The following ZNF385B variants were observed in gnomAD, a reference collection of about 807,000 sequenced individuals.
ZNF385B encodes zinc finger protein 533.
A neutral mutation model predicts 39.2 loss-of-function variants in ZNF385B; 23 were observed. The ratio of observed to expected loss-of-function variants is 0.59; its 90% CI spans 0.42 to 0.83. The LOEUF (loss-of-function observed/expected upper bound fraction) is 0.83, where lower values mean the gene tolerates loss of function less well. ZNF385B is among the 40% of genes least tolerant of loss of function. ZNF385B has a pLI of 0.00. For synonymous variants in ZNF385B, 205 were observed against 222.6 expected (o/e 0.92, Z 0.70); for missense variants, 552 against 598.9 (o/e 0.92, Z 0.82).
At chr2:179,467,276 T>C (rs1286852901) in intron 6 of ZNF385B, among the ~76,000 whole-genome samples, 1 of 152,174 alleles carries the variant, frequency 6.6e-6, no homozygotes, top group African/African-American at 2.4e-5. Context: ...GGTTACCTAG[T>C]ATAGTATAGT....
intron 1 of ZNF385B, among the ~76,000 whole-genome samples, chr2:179,842,423 A>C: frequency 6.6e-6 from 1 of 152,218 alleles, no homozygotes; most frequent in East Asian, 1.9e-4. Context: ...TCTTCATACC[A>C]CCATTGTGCT....
chr2:179,465,819 T>C (rs540555908), intron 6 of ZNF385B, among the ~76,000 whole-genome samples: 1 of 152,322 alleles, frequency 6.6e-6, no homozygotes, highest in East Asian at 1.9e-4. Flanking sequence ...TATTATGATC[T>C]TCCATTAATT....
chr2:179,556,025 A>G (rs1304060245), intron 3 of ZNF385B, among the ~76,000 whole-genome samples: 14 of 149,188 alleles, frequency 9.4e-5, no homozygotes, highest in South Asian at 6.5e-4. Context: ...TAAAGCCACA[A>G]TGTCCTTTGG....
chr2:179,475,504 C>G (rs2053313780), intron 6 of ZNF385B, among the ~76,000 whole-genome samples: 1 of 151,768 alleles, frequency 6.6e-6, no homozygotes, highest in Non-Finnish European at 1.5e-5. Flanking sequence ...TCCGCCTCAG[C>G]CTTCCAAAGT....
intron 1 of ZNF385B, among the ~76,000 whole-genome samples, chr2:179,790,696 T>C (rs1705274032): frequency 6.6e-6 from 1 of 152,076 alleles, no homozygotes; most frequent in Non-Finnish European, 1.5e-5. Context: ...TAACAAATAC[T>C]CTCATGGTCA....
At chr2:179,481,701 G>A (rs2054013899) in intron 6 of ZNF385B, among the ~76,000 whole-genome samples, 1 of 152,050 alleles carries the variant, frequency 6.6e-6, no homozygotes, top group African/African-American at 2.4e-5. Context: ...ATGTTTTGCT[G>A]GAAGGTAAAG....
At chr2:179,777,055 T>C (rs373585536) in intron 1 of ZNF385B, among the ~76,000 whole-genome samples, 2 of 151,840 alleles carry the variant, frequency 1.3e-5, no homozygotes, top group African/African-American at 4.8e-5. Context: ...CAAAAGCTGA[T>C]AGTTAATTTG....
At chr2:179,457,682 T>G in intron 6 of ZNF385B, among the ~76,000 whole-genome samples, 1 of 152,158 alleles carries the variant, frequency 6.6e-6, no homozygotes. Flanking sequence ...GTATATTTTG[T>G]GAGCGTTTGT....
chr2:179,672,224 C>T (rs1696112277), intron 3 of ZNF385B, among the ~76,000 whole-genome samples: 1 of 152,174 alleles, frequency 6.6e-6, no homozygotes, highest in Non-Finnish European at 1.5e-5. Context: ...TTCTTCTTTC[C>T]TATTTCTCTC....
In ZNF385B at chr2:179,444,898, T is replaced by A. The variant is rs749729993; in HGVS notation, c.1220A>T (p.Gln407Leu). The A allele has an allele frequency of 6.2e-7, 1 of 1,614,002 alleles. No individual in the cohort carries two copies. Among genetic ancestry groups the A allele is most frequent in the African/African-American group, 1.3e-5 (1 of 74,944 alleles). Residue 407 changes from glutamine to leucine, a missense_variant, in exon 9 of 10, where the codon CAG (glutamine) becomes CTG (leucine). By Grantham distance (113) the Gln-to-Leu change is moderately radical. Transcript: ENST00000410066. ...TACTGCTAGAATACTCGGGCTCCGC[T>A]GGAGTTTGTTGTAAGGGCTGTATTT... The part of the protein sequence containing the change: ...KPKYSPYNKL[Q>L]RSPSILAAKL...
chr2:179,591,472 A>G (rs1408990693), intron 3 of ZNF385B, among the ~76,000 whole-genome samples: 2 of 152,158 alleles, frequency 1.3e-5, no homozygotes, highest in Non-Finnish European at 2.9e-5. Context: ...TGGCCTGGCT[A>G]ATACTGCTTT....
chr2:179,663,301 T>A (rs1290572012), intron 3 of ZNF385B, among the ~76,000 whole-genome samples: 10 of 152,230 alleles, frequency 6.6e-5, no homozygotes, highest in African/African-American at 2.4e-4. Flanking sequence ...GTATTATCAG[T>A]CATCCCTCAA....
At chr2:179,517,421 C>A (rs769548432) in intron 5 of ZNF385B, among the ~76,000 whole-genome samples, 1 of 150,944 alleles carries the variant, frequency 6.6e-6, no homozygotes, top group South Asian at 2.1e-4. Context: ...GATTCCTGAA[C>A]ATGAAGTTTT....
At chr2:179,758,761 G>T (rs1055645643) in intron 3 of ZNF385B, among the ~76,000 whole-genome samples, 4 of 152,188 alleles carry the variant, frequency 2.6e-5, no homozygotes, top group African/African-American at 9.7e-5. Context: ...ACTGCCACAT[G>T]CATGTGTGAA....
chr2:179,472,106 C>T (rs900766478), intron 6 of ZNF385B, among the ~76,000 whole-genome samples: 3 of 152,162 alleles, frequency 2.0e-5, no homozygotes, highest in Admixed American at 6.5e-5. Flanking sequence ...ATGGAATACA[C>T]ATCATTATGG....
intron 3 of ZNF385B, among the ~76,000 whole-genome samples, chr2:179,720,646 CT>C: frequency 6.6e-6 from 1 of 152,080 alleles, no homozygotes; most frequent in South Asian, 2.1e-4. Context: ...CATAAATGGA[CT>C]CAACTATTTG....
At chr2:179,450,060 T>TGCATACAGGAAGGAA (rs2105574313) in intron 6 of ZNF385B, among the ~76,000 whole-genome samples, 1 of 152,176 alleles carries the variant, frequency 6.6e-6, no homozygotes, top group East Asian at 1.9e-4. Context: ...TGTAGAAAGC[T>TGCATACAGGAAGGAA]GAAACTGGAT....
At chr2:179,789,153 T>C (rs1473148660) in intron 1 of ZNF385B, among the ~76,000 whole-genome samples, 1 of 151,966 alleles carries the variant, frequency 6.6e-6, no homozygotes, top group Non-Finnish European at 1.5e-5. Flanking sequence ...AATTCTATTA[T>C]AGAAAAAAAA....
chr2:179,552,872 G>A (rs953134680), intron 3 of ZNF385B, among the ~76,000 whole-genome samples: 2 of 149,108 alleles, frequency 1.3e-5, no homozygotes, highest in African/African-American at 5.1e-5. Context: ...CATTACAATT[G>A]TAGGTATATA....
Sources: allele counts gnomAD v4.1 joint callset (sites outside exome capture counted in the v4.1 genomes callset), GRCh38; gene constraint gnomAD v4.1.1; transcripts MANE v1.5; gene names NCBI Gene and HGNC (gene_info 2026-07-23, HGNC 2026-07-21).